The following TGFB2 variants were observed in gnomAD, a reference collection of about 807,000 sequenced individuals.
TGFB2 encodes transforming growth factor beta-2 proprotein.
Under a neutral mutation model 42.7 loss-of-function variants are expected in TGFB2, and 13 were observed. The ratio of observed to expected loss-of-function variants is 0.30; its 90% CI spans 0.20 to 0.48. The LOEUF is 0.48. TGFB2 is among the 20% of genes least tolerant of loss of function. The probability of loss-of-function intolerance (pLI) is 0.99; values close to 1 mark genes in which losing one functional copy is unlikely to be tolerated. For missense variants in TGFB2, 390 were observed against 517.5 expected (o/e 0.75, Z 2.39); for synonymous variants, 193 against 193.6 (o/e 1.00, Z 0.03).
At chr1:218,378,301 C>T (rs916385649) in intron 1 of TGFB2, among the ~76,000 whole-genome samples, 1 of 152,124 alleles carries the variant, frequency 6.6e-6, no homozygotes, top group African/African-American at 2.4e-5. Context: ...CTCAGCCTCT[C>T]GAGTAGTTGG....
chr1:218,358,365 G>T (rs1657104197), intron 1 of TGFB2, among the ~76,000 whole-genome samples: 1 of 151,984 alleles, frequency 6.6e-6, no homozygotes, highest in Non-Finnish European at 1.5e-5. Flanking sequence ...GTTTATCAGG[G>T]ATTTTTCTGT....
At chr1:218,373,776 C>T (rs1657650669) in intron 1 of TGFB2, among the ~76,000 whole-genome samples, 1 of 152,078 alleles carries the variant, frequency 6.6e-6, no homozygotes, top group Non-Finnish European at 1.5e-5. Flanking sequence ...GAGTGAGAAC[C>T]ATATGCATCT....
chr1:218,345,913 C>T lies in TGFB2; in HGVS notation c.-789C>T, dbSNP rs1237376544. On this transcript the variant is annotated 5_prime_UTR_variant, in exon 1 of 7. Transcript: ENST00000366930. ...AGCGCGCGCCCGCCAGGGTGTAGGCCACGGAGCGCAGCTCCCAGAGCAGGA... is the reference window on the plus strand; with the variant it reads ...AGCGCGCGCCCGCCAGGGTGTAGGCTACGGAGCGCAGCTCCCAGAGCAGGA... Among the ~76,000 whole-genome samples the T allele has an allele frequency of 6.6e-6, 1 of 151,938 alleles. No homozygotes were observed. Among genetic ancestry groups the T allele is most frequent in the Non-Finnish European group, 1.5e-5 (1 of 67,974 alleles).
At chr1:218,385,374 A>C (rs1658099395) in intron 1 of TGFB2, among the ~76,000 whole-genome samples, 1 of 152,222 alleles carries the variant, frequency 6.6e-6, no homozygotes, top group African/African-American at 2.4e-5. Context: ...GTGGACATGC[A>C]TTATCGTATT....
In TGFB2 at chr1:218,441,421, C is replaced by G; in HGVS notation, c.*59C>G. On this transcript the variant is annotated 3_prime_UTR_variant, in exon 7 of 7. Transcript: ENST00000366930. Reference sequence around the variant, plus strand: ...ATGATGATGATAATGATGATGACGACGACAACGATGATGCTTGTAACAAGA... The same window carrying G: ...ATGATGATGATAATGATGATGACGAGGACAACGATGATGCTTGTAACAAGA... 6.6e-7 allele frequency: 1 copy of G among 1,523,292 alleles called. No individual in the cohort carries two copies. The highest frequency in any genetic ancestry group is 2.3e-5 in the East Asian group (1 of 43,888). The allele number at this position is 1,523,292 out of a possible 1,614,324, so 94.4% of individuals were successfully genotyped here.
rs892598686 is a variant in TGFB2 at position 218,393,967 on chromosome 1, C to T, written c.347-11202C>T. Reference sequence around the variant, plus strand: ...TGTCGCCCAGGCTGGAGTCCAGTGGCGCAATCTCGGCTCACTGCAAGCTCC... The same window carrying T: ...TGTCGCCCAGGCTGGAGTCCAGTGGTGCAATCTCGGCTCACTGCAAGCTCC... On this transcript the variant is annotated intron_variant, in intron 1 of 6. Transcript: ENST00000366930. Among the ~76,000 whole-genome samples, 6 of 150,764 alleles carry T rather than the reference C, an allele frequency of 4.0e-5. No individual in the cohort carries two copies. In the Middle Eastern group the frequency reaches 0.01, roughly 262 times the overall value.
At chr1:218,438,094 G>C (rs1660029628) in intron 6 of TGFB2, among the ~76,000 whole-genome samples, 1 of 152,094 alleles carries the variant, frequency 6.6e-6, no homozygotes, top group Non-Finnish European at 1.5e-5. Context: ...CTATCTAACT[G>C]TATTTTCATA....
rs528248684 is a variant in TGFB2, at chr1:218,422,393, A to T, written c.511-11689A>T. The stretch of plus-strand genomic sequence containing the variant: ...CCACCATGTCCAGCTAATTTTTAAA[A>T]ATGTTTTCATAGAGGTGAGGTCTCA... On this transcript the variant is annotated intron_variant, in intron 2 of 6. Transcript: ENST00000366930. Among the ~76,000 whole-genome samples the T allele has an allele frequency of 8.6e-5, 13 of 151,814 alleles. 1 individual carries two copies. In the South Asian group the frequency reaches 2.7e-3, roughly 32 times the overall value.
intron 4 of TGFB2, 84 bp downstream of exon 4, chr1:218,434,532 G>A (rs1659910345): frequency 1.1e-6 from 1 of 872,552 alleles, no homozygotes. Context: ...GTTTGCATGT[G>A]AAAATGAGAC....
intron 1 of TGFB2, among the ~76,000 whole-genome samples, chr1:218,383,927 A>AT (rs1658045799): frequency 1.3e-5 from 2 of 152,248 alleles, no homozygotes; most frequent in African/African-American, 4.8e-5. Context: ...TTGTGAAACA[A>AT]CACAAGAATG....
intron 2 of TGFB2, among the ~76,000 whole-genome samples, chr1:218,408,311 A>G: frequency 6.6e-6 from 1 of 151,996 alleles, no homozygotes; most frequent in Admixed American, 6.6e-5. Flanking sequence ...GACCTTAGTG[A>G]GTTCTTGGTA....
chr1:218,411,638 G>C (rs953511011), intron 2 of TGFB2, among the ~76,000 whole-genome samples: 1 of 152,190 alleles, frequency 6.6e-6, no homozygotes, highest in Non-Finnish European at 1.5e-5. Context: ...GAGAGGCTGA[G>C]GCAGGTGGAT....
intron 1 of TGFB2, among the ~76,000 whole-genome samples, chr1:218,368,120 G>C (rs1657447347): frequency 3.4e-5 from 5 of 147,782 alleles, no homozygotes; most frequent in Non-Finnish European, 3.0e-5. Flanking sequence ...ACATTCTTAT[G>C]ATATATTAGT....
rs147647839 is a variant in TGFB2, at chr1:218,424,337, G to A, written c.511-9745G>A. Among the ~76,000 whole-genome samples, 3 of 152,288 alleles carry A rather than the reference G, an allele frequency of 2.0e-5. No individual in the cohort carries two copies. In the East Asian group the frequency reaches 5.8e-4, roughly 29 times the overall value. ...TGAAAATTCAGAGAGATTCCAAAAG[G>A]CTAAAACTTGGGTCAGATAATAGAG... On this transcript the variant is annotated intron_variant, in intron 2 of 6. Coordinates refer to ENST00000366930, the MANE Select transcript of TGFB2 (RefSeq NM_003238.6).
At chr1:218,377,276 A>T (rs1158976713) in intron 1 of TGFB2, among the ~76,000 whole-genome samples, 1 of 152,210 alleles carries the variant, frequency 6.6e-6, no homozygotes, top group Non-Finnish European at 1.5e-5. Flanking sequence ...GTGAAAGGGA[A>T]ATAGAAAAAT....
At chr1:218,426,999 G>C (rs1659644376) in intron 2 of TGFB2, among the ~76,000 whole-genome samples, 2 of 151,982 alleles carry the variant, frequency 1.3e-5, no homozygotes, top group Admixed American at 6.6e-5. Flanking sequence ...AGATGTTTAA[G>C]GACAATTGCT....
At chr1:218,387,787 G>A (rs1481015894) in intron 1 of TGFB2, among the ~76,000 whole-genome samples, 1 of 152,204 alleles carries the variant, frequency 6.6e-6, no homozygotes, top group Non-Finnish European at 1.5e-5. Context: ...AGACTTGTGA[G>A]AAAAGGTGGT....
chr1:218,435,911 C>T, intron 4 of TGFB2, 59 bp from the exon 5 acceptor site: 1 of 1,512,234 alleles, frequency 6.6e-7, no homozygotes, highest in Non-Finnish European at 8.9e-7. Flanking sequence ...AAAAATATGG[C>T]TGACTATATT....
In TGFB2 at chr1:218,434,324, T is replaced by C. The variant is rs763991997; in HGVS notation, c.644-14T>C. ...CACACATACAAATGACCTCCTTGAC[T>C]TAATGTTTTCCAGACAGGAACCTGG... On this transcript the variant is annotated splice_polypyrimidine_tract_variant and intron_variant, in intron 3 of 6. Coordinates refer to ENST00000366930, the MANE Select transcript of TGFB2 (RefSeq NM_003238.6). 1.2e-6 allele frequency: 2 copies of C among 1,613,074 alleles called. No homozygotes were observed. The highest frequency in any genetic ancestry group is 1.1e-5 in the South Asian group (1 of 90,994).
Sources: gnomAD v4.1 joint callset for allele counts (sites outside exome capture counted in the v4.1 genomes callset) on GRCh38, gnomAD v4.1.1 for gene constraint, MANE v1.5 for transcripts, NCBI Gene and HGNC (gene_info 2026-07-23, HGNC 2026-07-21) for gene names.